The following FERMT2 variants were observed in gnomAD, a reference collection of about 807,000 sequenced individuals.
FERMT2 encodes fermitin family homolog 2.
A neutral mutation model predicts 82.7 loss-of-function variants in FERMT2; 15 were observed. The observed-to-expected ratio is 0.18, with a 90% CI of 0.12 to 0.28. The LOEUF (loss-of-function observed/expected upper bound fraction) is 0.28. Among genes scored for constraint, FERMT2 ranks in the 10% least tolerant of loss-of-function variants. The pLI is 1.00. For missense variants in FERMT2, 645 were observed against 809.4 expected (o/e 0.80, Z 2.46); for synonymous variants, 274 against 271.5 (o/e 1.01, Z -0.09).
At position 52,859,714 on chromosome 14, in the gene FERMT2, C is replaced by A; in HGVS notation, c.1728G>T (p.Arg576Ser). ...PEFGITHFIA[R>S]FQGGKKEELI... ...GTTCTTCTTTTTTGCCCCCTTGGAA[C>A]CTATAACATTTAAGAAAAGAACGGT... Residue 576 changes from arginine (R) to serine (S), a missense_variant and splice_region_variant, in exon 14 of 15, where the codon AGG becomes AGT. By Grantham distance (110) the Arg-to-Ser change is moderately radical (BLOSUM62 -1). Transcript: ENST00000341590. 2 of 1,563,150 alleles carry A rather than the reference C, an allele frequency of 1.3e-6. No individual in the cohort carries two copies. Among genetic ancestry groups the A allele is most frequent in the Non-Finnish European group, 8.7e-7 (1 of 1,153,472 alleles).
intron 3 of FERMT2, among the ~76,000 whole-genome samples, chr14:52,909,115 C>T (rs954564171): frequency 6.6e-6 from 1 of 152,156 alleles, no homozygotes; most frequent in Non-Finnish European, 1.5e-5. Flanking sequence ...TGTTAGGACA[C>T]AGGTGTGGAA....
At chr14:52,900,010 T>C (rs191203132) in intron 3 of FERMT2, among the ~76,000 whole-genome samples, 102 of 152,332 alleles carry the variant, frequency 6.7e-4, no homozygotes, top group African/African-American at 2.4e-3. Flanking sequence ...TTATGCTCAA[T>C]TTTACATTTC....
rs1328416937 is a variant in FERMT2, at chr14:52,910,603, G to A, written c.391+8520C>T. On this transcript the variant is annotated intron_variant, in intron 3 of 14. Transcript: ENST00000341590. ...TACACAGAAGCACTGATCTGAAAGT[G>A]CGTTTTTGGAAGAAAAAATTATTAC... Among the ~76,000 whole-genome samples the A allele has an allele frequency of 1.1e-4, 17 of 152,262 alleles. No individual in the cohort carries two copies. The South Asian group carries it at 3.3e-3, about 30-fold the overall frequency.
At chr14:52,859,544 A>G in intron 14 of FERMT2, 29 bp downstream of exon 14, 6 of 1,567,220 alleles carry the variant, frequency 3.8e-6, no homozygotes, top group East Asian at 2.3e-5. Flanking sequence ...GAGAAGGACT[A>G]TATTCAAGTA....
chr14:52,890,559 T>C (rs923200011), intron 4 of FERMT2, among the ~76,000 whole-genome samples: 2 of 151,700 alleles, frequency 1.3e-5, no homozygotes, highest in African/African-American at 4.9e-5. Context: ...CATGACTATA[T>C]ATATTTCTTA....
intron 3 of FERMT2, among the ~76,000 whole-genome samples, chr14:52,916,270 G>A (rs1158093481): frequency 6.6e-6 from 1 of 151,914 alleles, no homozygotes; most frequent in Non-Finnish European, 1.5e-5. Flanking sequence ...CTTGAACCCG[G>A]GAAGTGGAGG....
rs1250130761 is a variant in FERMT2, at chr14:52,869,947, G to C, written c.1273+2852C>G. ...GTGCCTGTGATTTAAGCTAACAAAA[G>C]GTTAAAAATAAAAAATAAAAATCTA... On this transcript the variant is annotated intron_variant, in intron 10 of 14. Coordinates refer to ENST00000341590, the MANE Select transcript of FERMT2 (RefSeq NM_006832.3). Among the ~76,000 whole-genome samples, 3 of 151,198 alleles carry C rather than the reference G, an allele frequency of 2.0e-5. No individual in the cohort carries two copies. The East Asian group carries it at 5.8e-4, about 29-fold the overall frequency.
intron 3 of FERMT2, among the ~76,000 whole-genome samples, chr14:52,894,494 G>A (rs1200098402): frequency 1.3e-5 from 2 of 152,022 alleles, no homozygotes; most frequent in South Asian, 2.1e-4. Context: ...AAAATTGGAC[G>A]ACTTACACTA....
chr14:52,909,943 C>G (rs1191095450), intron 3 of FERMT2, among the ~76,000 whole-genome samples: 1 of 151,936 alleles, frequency 6.6e-6, no homozygotes, highest in Non-Finnish European at 1.5e-5. Flanking sequence ...GTCCCAGCTA[C>G]TCGGGAGGCT....
At chr14:52,867,032 T>A (rs1473426246) in intron 10 of FERMT2, among the ~76,000 whole-genome samples, 2 of 151,254 alleles carry the variant, frequency 1.3e-5, no homozygotes, top group African/African-American at 4.9e-5. Flanking sequence ...ACAACCTACC[T>A]CCCTTTTCTG....
At chr14:52,905,578 G>A (rs1367953199) in intron 3 of FERMT2, among the ~76,000 whole-genome samples, 3 of 152,200 alleles carry the variant, frequency 2.0e-5, no homozygotes, top group Admixed American at 6.5e-5. Flanking sequence ...ATGGAGAGAC[G>A]TGGAAAGACT....
chr14:52,944,663 A>G (rs62003545), intron 2 of FERMT2, among the ~76,000 whole-genome samples: 2,380 of 152,324 alleles, frequency 0.016, 21 homozygotes, highest in Non-Finnish European at 0.024. Flanking sequence ...CTTCTGTGAG[A>G]TGCAATGAAC....
At chr14:52,923,211 G>GC (rs1243240490) in intron 2 of FERMT2, among the ~76,000 whole-genome samples, 13 of 150,802 alleles carry the variant, frequency 8.6e-5, no homozygotes, top group African/African-American at 2.4e-4. Context: ...GGGTTGGGGG[G>GC]GGAATCCAAA....
At chr14:52,950,309 T>C (rs1439662785) in intron 2 of FERMT2, 103 bp downstream of exon 2, 4 of 1,179,788 alleles carry the variant, frequency 3.4e-6, no homozygotes, top group Non-Finnish European at 4.9e-6. Context: ...ATTTGCGAGA[T>C]GCCAAGATTT....
intron 2 of FERMT2, among the ~76,000 whole-genome samples, chr14:52,939,598 A>G (rs1890004336): frequency 6.6e-6 from 1 of 152,162 alleles, no homozygotes; most frequent in African/African-American, 2.4e-5. Context: ...AGATACTGTT[A>G]TTATCCCCAT....
At chr14:52,913,680 C>CAGTAGTAGT (rs60319673) in intron 3 of FERMT2, among the ~76,000 whole-genome samples, 169 of 147,854 alleles carry the variant, frequency 1.1e-3, no homozygotes, top group African/African-American at 1.9e-3. Context: ...CAGCCAAAAA[C>CAGTAGTAGT]AGTAGTAGTA....
At chr14:52,949,389 AG>A (rs148977763) in intron 2 of FERMT2, among the ~76,000 whole-genome samples, 27,137 of 138,684 alleles carry the variant, frequency 0.2, 2,757 homozygotes, top group East Asian at 0.26. Flanking sequence ...AAAAAAAAAA[AG>A]AAAAAAAAAA....
chr14:52,939,373 CAAAAAA>C lies in FERMT2; in HGVS notation c.157+11033_157+11038del, dbSNP rs35130630. On this transcript the variant is annotated intron_variant, in intron 2 of 14. Transcript: ENST00000341590. Reference sequence around the variant, plus strand: ...GGGCGACAGAGTGAGACTACGGTCTCAAAAAAAAAAAAAAAAACAAAGAACTATTTG... The same window carrying C: ...GGGCGACAGAGTGAGACTACGGTCTCAAAAAAAAAAACAAAGAACTATTTG... Among the ~76,000 whole-genome samples, 10 of 93,242 alleles carry C rather than the reference CAAAAAA, an allele frequency of 1.1e-4. No individual in the cohort carries two copies. In the East Asian group the frequency reaches 2.4e-3, roughly 22 times the overall value. The allele number at this position is 93,242 out of a possible 152,430, so 61.2% of individuals were successfully genotyped here.
Position 52,862,430 on chromosome 14 carries a change from G to A in FERMT2, c.1603-1965C>T, listed in dbSNP as rs113741698. ...CACCTGTAATCCCAGTGCTTCGGGA[G>A]GCCAAGGCAGGCAGATCACTTGAGC... On this transcript the variant is annotated intron_variant, in intron 12 of 14. Coordinates refer to ENST00000341590, the MANE Select transcript of FERMT2 (RefSeq NM_006832.3). 3.3e-3 allele frequency among the ~76,000 whole-genome samples: 504 copies of A among 152,236 alleles called. 4 individuals carry two copies. Among genetic ancestry groups the A allele is most frequent in the African/African-American group, 0.012 (480 of 41,574 alleles).
Sources: allele counts gnomAD v4.1 joint callset (sites outside exome capture counted in the v4.1 genomes callset), GRCh38; gene constraint gnomAD v4.1.1; transcripts MANE v1.5; gene names NCBI Gene and HGNC (gene_info 2026-07-23, HGNC 2026-07-21).